The following SPIN1 variants were observed in gnomAD, a reference collection of about 807,000 sequenced individuals.
SPIN1 encodes the protein spindlin-1.
In SPIN1, 3 loss-of-function variants were observed where a neutral mutation model predicts 26.0. The ratio of observed to expected loss-of-function variants is 0.12; its 90% CI spans 0.05 to 0.30. The LOEUF is 0.30. Ranked by LOEUF, SPIN1 falls within the 10% of genes least tolerant of loss-of-function variation. SPIN1 has a pLI of 1.00. For missense variants in SPIN1, 126 were observed against 333.4 expected, an observed-to-expected ratio of 0.38 and a Z score of 4.84; for synonymous variants, 101 against 116.5, an observed-to-expected ratio of 0.87 and a Z score of 0.86.
intron 1 of SPIN1, chr9:88,410,499 TCTC>T: frequency 1.3e-6 from 1 of 765,540 alleles, no homozygotes; most frequent in South Asian, 1.4e-5. Flanking sequence ...CTTCTCTGGT[TCTC>T]CTCTCCTGCT....
At chr9:88,399,279 G>T (rs989942791) in intron 1 of SPIN1, among the ~76,000 whole-genome samples, 1 of 151,668 alleles carries the variant, frequency 6.6e-6, no homozygotes, top group African/African-American at 2.4e-5. Flanking sequence ...TGATCCACCC[G>T]CCTCGGCCTC....
At chr9:88,459,836 T>C (rs1265826957) in intron 3 of SPIN1, among the ~76,000 whole-genome samples, 1 of 152,232 alleles carries the variant, frequency 6.6e-6, no homozygotes, top group African/African-American at 2.4e-5. Flanking sequence ...TTGCGGCCTT[T>C]ATACTTGAAG....
intron 1 of SPIN1, among the ~76,000 whole-genome samples, chr9:88,390,060 A>G (rs929170169): frequency 6.6e-6 from 1 of 152,200 alleles, no homozygotes; most frequent in African/African-American, 2.4e-5. Context: ...TATAGGTAGT[A>G]GATCCTAGAT....
At chr9:88,440,089 T>C (rs779182932) in intron 2 of SPIN1, among the ~76,000 whole-genome samples, 27 of 152,102 alleles carry the variant, frequency 1.8e-4, no homozygotes, top group African/African-American at 9.7e-5. Flanking sequence ...CTGGTTTTAA[T>C]TGAGCATTTT....
intron 5 of SPIN1, 41 bp from the exon 6 acceptor site, chr9:88,475,037 C>G: frequency 1.5e-6 from 2 of 1,311,128 alleles, no homozygotes; most frequent in Non-Finnish European, 2.0e-6. Flanking sequence ...TAGAAATTTT[C>G]TCTCTCTCTC....
At chr9:88,470,718 C>G (rs906327844) in intron 5 of SPIN1, among the ~76,000 whole-genome samples, 1 of 152,092 alleles carries the variant, frequency 6.6e-6, no homozygotes, top group Non-Finnish European at 1.5e-5. Flanking sequence ...CCTCAGCCTC[C>G]CCAGTAGCTG....
At chr9:88,393,268 C>T (rs1164019325) in intron 1 of SPIN1, among the ~76,000 whole-genome samples, 4 of 150,634 alleles carry the variant, frequency 2.7e-5, no homozygotes, top group Non-Finnish European at 5.9e-5. Flanking sequence ...GTTATAGTAG[C>T]GTGTTAACAA....
chr9:88,461,570 A>G (rs897984263), intron 3 of SPIN1, among the ~76,000 whole-genome samples: 1 of 152,174 alleles, frequency 6.6e-6, no homozygotes, highest in Non-Finnish European at 1.5e-5. Flanking sequence ...TATTTGTGTT[A>G]TATGTCAGAT....
intron 5 of SPIN1, among the ~76,000 whole-genome samples, chr9:88,472,110 T>C (rs776784430): frequency 5.9e-5 from 9 of 152,078 alleles, no homozygotes; most frequent in Non-Finnish European, 7.4e-5. Flanking sequence ...CCTCCTTTCT[T>C]TTTCAGGAGT....
rs372173109 is a variant in SPIN1 at position 88,417,013 on chromosome 9, A to G, written c.-158-9369A>G. ...GATATCAAGATTTTAATTTGCTTACATTTTGCTCTACTGTTTTTTATTATT... is the reference window on the plus strand; with the variant it reads ...GATATCAAGATTTTAATTTGCTTACGTTTTGCTCTACTGTTTTTTATTATT... On this transcript the variant is annotated intron_variant, in intron 1 of 5. Coordinates refer to ENST00000375859, the MANE Select transcript of SPIN1 (RefSeq NM_006717.3). Among the ~76,000 whole-genome samples, 195 of 152,288 alleles carry G rather than the reference A, an allele frequency of 1.3e-3. 5 individuals are homozygous for G. The South Asian group carries it at 0.036, about 28-fold the overall frequency.
intron 2 of SPIN1, among the ~76,000 whole-genome samples, chr9:88,443,146 TCA>T (rs1228721167): frequency 6.7e-6 from 1 of 148,234 alleles, no homozygotes; most frequent in Non-Finnish European, 1.5e-5. Context: ...AAAAAAAAAC[TCA>T]GTCTTTGCTT....
intron 2 of SPIN1, among the ~76,000 whole-genome samples, chr9:88,439,548 A>G (rs1338936690): frequency 2.0e-5 from 3 of 152,200 alleles, no homozygotes; most frequent in African/African-American, 7.2e-5. Context: ...CTGAAATGTG[A>G]AAGACTTCTG....
chr9:88,418,205 T>C (rs1203210038), intron 1 of SPIN1, among the ~76,000 whole-genome samples: 1 of 152,158 alleles, frequency 6.6e-6, no homozygotes, highest in African/African-American at 2.4e-5. Context: ...CTCTAACCAC[T>C]GGTGGGGTTC....
chr9:88,404,543 T>C (rs1277178232), intron 1 of SPIN1, among the ~76,000 whole-genome samples: 1 of 152,220 alleles, frequency 6.6e-6, no homozygotes, highest in Non-Finnish European at 1.5e-5. Flanking sequence ...AGAAATACTT[T>C]CTTCCTGTTA....
intron 1 of SPIN1, among the ~76,000 whole-genome samples, chr9:88,412,111 G>A (rs920600984): frequency 2.6e-5 from 4 of 151,890 alleles, no homozygotes; most frequent in African/African-American, 7.3e-5. Context: ...CCCAGGAGGC[G>A]GAGCTTGCAG....
rs1468417538 is a variant in SPIN1 at position 88,475,926 on chromosome 9, A to C, written c.*649A>C. The C allele has an allele frequency of 6.6e-6, 1 of 152,146 alleles. No individual in the cohort carries two copies. Among genetic ancestry groups the C allele is most frequent in the Non-Finnish European group, 1.5e-5 (1 of 68,034 alleles). 9.4% of individuals were successfully genotyped at this position (152,146 alleles called of 1,614,324 possible). A position where few individuals can be genotyped will look rare whatever the true frequency, so the allele number is the denominator to read the frequency against. On this transcript the variant is annotated 3_prime_UTR_variant, in exon 6 of 6. Transcript: ENST00000375859. ...ACATTCAGCTTGTTTAAAAAAAAAA[A>C]ATCAGAAGTTCAGAGCACCTTTTCA...
intron 1 of SPIN1, among the ~76,000 whole-genome samples, chr9:88,393,909 G>A (rs1041481051): frequency 6.6e-6 from 1 of 152,032 alleles, no homozygotes; most frequent in African/African-American, 2.4e-5. Flanking sequence ...GTGCAGTGGT[G>A]TGACCTTGGC....
rs1279479058 is a variant in SPIN1, at chr9:88,475,299, A to C, written c.*22A>C. 6.2e-7 allele frequency: 1 copy of C among 1,603,942 alleles called. No individual in the cohort carries two copies. The highest frequency in any genetic ancestry group is 8.5e-7 in the Non-Finnish European group (1 of 1,172,508). On this transcript the variant is annotated 3_prime_UTR_variant, in exon 6 of 6. Coordinates refer to ENST00000375859, the MANE Select transcript of SPIN1 (RefSeq NM_006717.3). ...CTAGATGTCATCACAAACTCTGCCA[A>C]ATTTGTGGAACTATGAAATGTATTA...
chr9:88,415,741 A>G (rs528990701), intron 1 of SPIN1: 1 of 151,958 alleles, frequency 6.6e-6, no homozygotes, highest in South Asian at 2.1e-4. Context: ...TTAAATAAGA[A>G]TATGTAATAA....
Sources: gnomAD v4.1 joint callset for allele counts (sites outside exome capture counted in the v4.1 genomes callset) on GRCh38, gnomAD v4.1.1 for gene constraint, MANE v1.5 for transcripts, NCBI Gene and HGNC (gene_info 2026-07-23, HGNC 2026-07-21) for gene names.